The following ADCY2 variants were observed in gnomAD, a reference collection of about 807,000 sequenced individuals.
ADCY2 encodes the protein adenylate cyclase type 2.
A neutral mutation model predicts 125.2 loss-of-function variants in ADCY2; 31 were observed. The ratio of observed to expected loss-of-function variants is 0.25; its 90% CI spans 0.19 to 0.33. The LOEUF is 0.33. ADCY2 is among the 10% of genes least tolerant of loss of function. The pLI is 1.00. For synonymous variants in ADCY2, 512 were observed against 548.4 expected, an observed-to-expected ratio of 0.93 and a Z score of 0.93; for missense variants, 904 against 1,418.2, an observed-to-expected ratio of 0.64 and a Z score of 5.82.
chr5:7,773,915 C>T (rs990579413), intron 18 of ADCY2, among the ~76,000 whole-genome samples: 4 of 152,204 alleles, frequency 2.6e-5, no homozygotes, highest in Non-Finnish European at 5.9e-5. Context: ...CATCACATCT[C>T]AAAAGCAAAA....
intron 4 of ADCY2, among the ~76,000 whole-genome samples, chr5:7,626,678 G>GCAGTGC (rs1179131814): frequency 6.6e-6 from 1 of 152,100 alleles, no homozygotes; most frequent in African/African-American, 2.4e-5. Flanking sequence ...GGAAGGAGGG[G>GCAGTGC]CAGTGCCAGG....
At chr5:7,531,013 C>G (rs1230085226) in intron 3 of ADCY2, among the ~76,000 whole-genome samples, 1 of 152,152 alleles carries the variant, frequency 6.6e-6, no homozygotes, top group Non-Finnish European at 1.5e-5. Flanking sequence ...TAGCAAGATA[C>G]TGGAAGCCTA....
intron 2 of ADCY2, among the ~76,000 whole-genome samples, chr5:7,485,314 A>G (rs1389421544): frequency 1.3e-5 from 2 of 152,250 alleles, no homozygotes; most frequent in Non-Finnish European, 1.5e-5. Flanking sequence ...AAAGGTTAAC[A>G]TTCTTGACAT....
rs554508260 is a variant in ADCY2 at position 7,778,351 on chromosome 5, A to G, written c.2384+5250A>G. On this transcript the variant is annotated intron_variant, in intron 18 of 24. Transcript: ENST00000338316. ...TAACTCACCTGGAGGCTAGAAATCTACCTTTAATTCTAGAGACACATGGGA... is the reference window on the plus strand; with the variant it reads ...TAACTCACCTGGAGGCTAGAAATCTGCCTTTAATTCTAGAGACACATGGGA... 3.2e-4 allele frequency among the ~76,000 whole-genome samples: 49 copies of G among 152,314 alleles called. 1 individual carries two copies. Among genetic ancestry groups the G allele is most frequent in the African/African-American group, 1.1e-3 (47 of 41,554 alleles).
chr5:7,588,776 A>G (rs1253250395), intron 3 of ADCY2, among the ~76,000 whole-genome samples: 1 of 152,230 alleles, frequency 6.6e-6, no homozygotes, highest in Non-Finnish European at 1.5e-5. Context: ...AAATGTAAAA[A>G]TCATTCTTAG....
intron 4 of ADCY2, among the ~76,000 whole-genome samples, chr5:7,641,961 CTG>C (rs1483600928): frequency 1.3e-5 from 2 of 152,112 alleles, no homozygotes; most frequent in African/African-American, 4.8e-5. Context: ...GTCTTTGTGA[CTG>C]TGAATAGTGC....
intron 3 of ADCY2, among the ~76,000 whole-genome samples, chr5:7,591,324 C>A (rs576765895): frequency 3.9e-5 from 6 of 152,068 alleles, no homozygotes; most frequent in African/African-American, 1.4e-4. Context: ...ATAACACCAC[C>A]CTTTCAGCAT....
At chr5:7,520,960 G>T (rs1364441999) in intron 3 of ADCY2, 61 bp downstream of exon 3, 8 of 1,595,756 alleles carry the variant, frequency 5.0e-6, no homozygotes, top group African/African-American at 1.3e-5. Flanking sequence ...GGGTGAGGCA[G>T]GTGCTGCTGG....
intron 3 of ADCY2, among the ~76,000 whole-genome samples, chr5:7,556,889 G>A (rs934697962): frequency 1.3e-5 from 2 of 151,984 alleles, no homozygotes; most frequent in Admixed American, 6.6e-5. Context: ...CACCTCATCC[G>A]TGGAAAAATT....
chr5:7,634,332 T>G (rs925854434), intron 4 of ADCY2, among the ~76,000 whole-genome samples: 1 of 152,232 alleles, frequency 6.6e-6, no homozygotes. Context: ...GTTTTGTAAA[T>G]TGCATATGTG....
intron 2 of ADCY2, among the ~76,000 whole-genome samples, chr5:7,475,681 A>G (rs1191893338): frequency 6.6e-6 from 1 of 152,144 alleles, no homozygotes; most frequent in African/African-American, 2.4e-5. Flanking sequence ...TGCACCCGGC[A>G]AGATGTATTT....
intron 2 of ADCY2, among the ~76,000 whole-genome samples, chr5:7,467,685 T>C (rs60993165): frequency 0.031 from 4,692 of 152,306 alleles, 232 homozygotes; most frequent in African/African-American, 0.11. Context: ...TATTTTTATA[T>C]TCATTTGTAT....
intron 2 of ADCY2, among the ~76,000 whole-genome samples, chr5:7,519,577 T>G (rs1744370061): frequency 6.6e-6 from 1 of 152,226 alleles, no homozygotes; most frequent in Non-Finnish European, 1.5e-5. Flanking sequence ...CCTTTTGTAA[T>G]GAAAATGATC....
rs530318196 is a variant in ADCY2 at position 7,536,812 on chromosome 5, C to T, written c.570+15913C>T. Among the ~76,000 whole-genome samples, 556 of 121,044 alleles carry T rather than the reference C, an allele frequency of 4.6e-3. 2 individuals are homozygous for T. The highest frequency in any genetic ancestry group is 0.017 in the African/African-American group (531 of 31,630). The allele number at this position is 121,044 out of a possible 152,430, so 79.4% of individuals were successfully genotyped here. The stretch of plus-strand genomic sequence containing the variant: ...ACACAGGGAGGGGAACATCACACAC[C>T]GGGGCTTGTCAGGGGGTGGGGGGCT... On this transcript the variant is annotated intron_variant, in intron 3 of 24. Transcript: ENST00000338316.
chr5:7,405,598 A>G (rs528876594), intron 1 of ADCY2, among the ~76,000 whole-genome samples: 2 of 152,286 alleles, frequency 1.3e-5, no homozygotes, highest in African/African-American at 2.4e-5. Flanking sequence ...GAGGAAAGGG[A>G]CAAGCCCTAC....
chr5:7,654,841 C>G (rs546761199), intron 4 of ADCY2, among the ~76,000 whole-genome samples: 4 of 152,274 alleles, frequency 2.6e-5, no homozygotes, highest in African/African-American at 9.6e-5. Context: ...CCTAGGACAT[C>G]TTGAAATACT....
intron 2 of ADCY2, among the ~76,000 whole-genome samples, chr5:7,439,840 T>C (rs1014879701): frequency 1.3e-5 from 2 of 152,078 alleles, no homozygotes; most frequent in Non-Finnish European, 2.9e-5. Flanking sequence ...AAGTTTTGAA[T>C]GTGGCAGAGA....
intron 2 of ADCY2, among the ~76,000 whole-genome samples, chr5:7,426,028 C>T (rs1740373288): frequency 6.6e-6 from 1 of 152,166 alleles, no homozygotes; most frequent in Admixed American, 6.6e-5. Flanking sequence ...GAGAAACAAG[C>T]ATGTGACTCA....
intron 3 of ADCY2, among the ~76,000 whole-genome samples, chr5:7,537,503 C>T (rs1561080817): frequency 6.6e-6 from 1 of 152,192 alleles, no homozygotes; most frequent in Non-Finnish European, 1.5e-5. Flanking sequence ...ACTCACCCCT[C>T]CATCTTGTTA....
Sources: gnomAD v4.1 joint callset for allele counts (sites outside exome capture counted in the v4.1 genomes callset) on GRCh38, gnomAD v4.1.1 for gene constraint, MANE v1.5 for transcripts, NCBI Gene and HGNC (gene_info 2026-07-23, HGNC 2026-07-21) for gene names.